Variants in MACF1 observed in about 807,000 individuals in gnomAD.
MACF1 encodes microtubule actin crosslinking factor 1.
A neutral mutation model predicts 854.8 loss-of-function variants in MACF1; 193 were observed. That is an observed-to-expected ratio of 0.23 (90% CI 0.20 to 0.25). The LOEUF is 0.25. Ranked by LOEUF, MACF1 falls within the 10% of genes least tolerant of loss-of-function variation. MACF1 has a pLI of 1.00. For synonymous variants in MACF1, 3,185 were observed against 3,226.7 expected, an observed-to-expected ratio of 0.99 and a Z score of 0.44; for missense variants, 7,722 against 8,929.1, an observed-to-expected ratio of 0.86 and a Z score of 5.45.
At chr1:39,479,074 A>G (rs1461890211) in intron 97 of MACF1, among the ~76,000 whole-genome samples, 4 of 152,194 alleles carry the variant, frequency 2.6e-5, no homozygotes, top group African/African-American at 7.2e-5. Context: ...CCAGAAAGCC[A>G]TAAGACAGCG....
chr1:39,403,700 T>C, intron 58 of MACF1, among the ~76,000 whole-genome samples: 1 of 152,188 alleles, frequency 6.6e-6, no homozygotes, highest in East Asian at 1.9e-4. Flanking sequence ...TTCCTCATTT[T>C]TACTAGGTGT....
chr1:39,354,008 T>TG (rs1188234085), intron 44 of MACF1, among the ~76,000 whole-genome samples: 20 of 152,212 alleles, frequency 1.3e-4, no homozygotes, highest in African/African-American at 4.6e-4. Flanking sequence ...CTTTCTAAAA[T>TG]GCCATATCCT....
intron 100 of MACF1, 77 bp downstream of exon 100, chr1:39,484,807 C>A (rs1038778161): frequency 1.3e-6 from 2 of 1,561,746 alleles, no homozygotes; most frequent in Non-Finnish European, 1.8e-6. Context: ...TTTCACTGCT[C>A]CCAAGGAGCG....
intron 6 of MACF1, chr1:39,268,660 C>A: frequency 8.1e-7 from 1 of 1,234,282 alleles, no homozygotes. Flanking sequence ...CCAGGACTGG[C>A]TTAGCTGCGT....
At chr1:39,211,614 G>A (rs1264776239) in intron 1 of MACF1, among the ~76,000 whole-genome samples, 1 of 152,090 alleles carries the variant, frequency 6.6e-6, no homozygotes, top group Non-Finnish European at 1.5e-5. Flanking sequence ...CGGGCATGGT[G>A]GCTCACGCCT....
At chr1:39,235,740 T>C (rs1303693135) in intron 2 of MACF1, among the ~76,000 whole-genome samples, 1 of 152,202 alleles carries the variant, frequency 6.6e-6, no homozygotes, top group East Asian at 1.9e-4. Context: ...TCAGACGTAT[T>C]CTCTCTCTGT....
At chr1:39,418,335 A>G (rs1643405712) in intron 58 of MACF1, among the ~76,000 whole-genome samples, 1 of 152,154 alleles carries the variant, frequency 6.6e-6, no homozygotes, top group South Asian at 2.1e-4. Context: ...AAGCAGTTGG[A>G]TACGTAGCTT....
intron 44 of MACF1, among the ~76,000 whole-genome samples, chr1:39,354,404 A>G (rs1176278694): frequency 6.6e-6 from 1 of 151,542 alleles, no homozygotes; most frequent in Admixed American, 6.6e-5. Flanking sequence ...TCTTTTATTT[A>G]TTTATTTATT....
intron 2 of MACF1, among the ~76,000 whole-genome samples, chr1:39,149,525 C>T (rs1488627327): frequency 1.3e-5 from 2 of 149,160 alleles, no homozygotes; most frequent in Non-Finnish European, 3.0e-5. Flanking sequence ...GAGACTCCGT[C>T]TCAAAAAAAT....
At chr1:39,243,567 G>A (rs1360219930) in intron 2 of MACF1, among the ~76,000 whole-genome samples, 1 of 152,066 alleles carries the variant, frequency 6.6e-6, no homozygotes, top group Non-Finnish European at 1.5e-5. Flanking sequence ...ACACCTGGCT[G>A]ACTTTTAAAA....
In MACF1 at chr1:39,335,243, C is replaced by G. The variant is rs971599293; in HGVS notation, c.8655C>G (p.His2885Gln). The G allele has an allele frequency of 6.2e-7, 1 of 1,613,806 alleles. No homozygotes were observed. The stretch of plus-strand genomic sequence containing the variant: ...CCTTGGGCCAAGTGTCATTGACACA[C>G]CCTTACTCTGAATGTGATTTTAAAC... ...GKSLGQVSLT[H>Q]PYSECDFKLK... Residue 2885 changes from histidine to glutamine, a missense_variant, in exon 37 of 101, where the codon CAC becomes CAG. Coordinates refer to ENST00000564288, the MANE Select transcript of MACF1 (RefSeq NM_001394062.1).
At chr1:39,377,301 C>T (rs952064837) in intron 52 of MACF1, among the ~76,000 whole-genome samples, 4 of 152,160 alleles carry the variant, frequency 2.6e-5, no homozygotes, top group Non-Finnish European at 4.4e-5. Context: ...TGTGAGCCAC[C>T]GCGCCCGGCC....
chr1:39,412,371 A>T, intron 58 of MACF1: 3 of 1,614,042 alleles, frequency 1.9e-6, no homozygotes, highest in Non-Finnish European at 2.5e-6. Flanking sequence ...CATCAATGGG[A>T]AATGTGGTCA....
chr1:39,287,319 G>A lies in MACF1; in HGVS notation c.1542G>A (p.Leu514=), dbSNP rs753824705. 35 of 1,613,968 alleles carry A rather than the reference G, an allele frequency of 2.2e-5. No individual in the cohort carries two copies. The East Asian group carries it at 6.9e-4, about 32-fold the overall frequency. The part of the protein sequence containing the change: ...VMRLQDELVT[L]RLECTNLYRK... ...GTCTTCAGGATGAGCTGGTCACCTTGCGTCTAGAGTGTACAAACCTGTACC... is the reference window on the plus strand; with the variant it reads ...GTCTTCAGGATGAGCTGGTCACCTTACGTCTAGAGTGTACAAACCTGTACC... The change falls in exon 15 of 101, where the codon TTG becomes TTA. Residue 514 remains leucine, a synonymous_variant. Transcript: ENST00000564288.
At chr1:39,294,940 T>G in intron 18 of MACF1, 106 bp from the exon 19 acceptor site, 1 of 762,616 alleles carries the variant, frequency 1.3e-6, no homozygotes, top group African/African-American at 1.7e-5. Context: ...TTGCCACCAA[T>G]TCTATATTGT....
chr1:39,189,594 A>C (rs1048581113), intron 2 of MACF1, among the ~76,000 whole-genome samples: 1 of 152,122 alleles, frequency 6.6e-6, no homozygotes, highest in Non-Finnish European at 1.5e-5. Flanking sequence ...TCCTCATGCT[A>C]TCTCTCCTCC....
intron 40 of MACF1, among the ~76,000 whole-genome samples, chr1:39,346,508 A>G (rs1164215889): frequency 2.0e-5 from 3 of 151,826 alleles, no homozygotes; most frequent in Non-Finnish European, 4.4e-5. Context: ...GGAGAGACTG[A>G]AAGTGAGAGA....
At chr1:39,240,013 G>A (rs1537819) in intron 2 of MACF1, among the ~76,000 whole-genome samples, 8,398 of 152,108 alleles carry the variant, frequency 0.055, 296 homozygotes, top group African/African-American at 0.097. Context: ...TGGCCTTCCC[G>A]AGTGCTAGGA....
At chr1:39,398,340 T>C (rs1386580770) in intron 58 of MACF1, among the ~76,000 whole-genome samples, 1 of 152,058 alleles carries the variant, frequency 6.6e-6, no homozygotes, top group African/African-American at 2.4e-5. Context: ...AGTTTCACCA[T>C]GTTGCCAAGG....
Sources: gnomAD v4.1 joint callset for allele counts (sites outside exome capture counted in the v4.1 genomes callset) on GRCh38, gnomAD v4.1.1 for gene constraint, MANE v1.5 for transcripts, NCBI Gene and HGNC (gene_info 2026-07-23, HGNC 2026-07-21) for gene names.